The following IL1RAPL2 variants were observed in gnomAD, a reference collection of about 807,000 sequenced individuals.
IL1RAPL2 encodes X-linked interleukin-1 receptor accessory protein-like 2.
Under a neutral mutation model 44.1 loss-of-function variants are expected in IL1RAPL2, and 3 were observed. The observed-to-expected ratio is 0.07, with a 90% CI of 0.03 to 0.18. IL1RAPL2 has a LOEUF of 0.18. IL1RAPL2 is among the 10% of genes least tolerant of loss of function. IL1RAPL2 has a pLI of 1.00. For synonymous variants in IL1RAPL2, 181 were observed against 178.8 expected (o/e 1.01, Z -0.10); for missense variants, 391 against 496.4 (o/e 0.79, Z 2.02).
At chrX:105,640,231 G>GAA (rs946764692) in intron 6 of IL1RAPL2, among the ~76,000 whole-genome samples, 8 of 107,239 alleles carry the variant, frequency 7.5e-5, no homozygotes, top group Non-Finnish European at 1.5e-4. Flanking sequence ...CAATTCACTT[G>GAA]AAAAAAAAAT....
intron 2 of IL1RAPL2, among the ~76,000 whole-genome samples, chrX:104,821,448 A>G (rs183566583): frequency 1.8e-4 from 20 of 109,946 alleles, no homozygotes; most frequent in Non-Finnish European, 3.8e-5. Context: ...CCCTGTGCCC[A>G]TATGTTGTCA....
At chrX:104,599,650 G>GAA (rs1555970971) in intron 1 of IL1RAPL2, among the ~76,000 whole-genome samples, 6 of 86,173 alleles carry the variant, frequency 7.0e-5, no homozygotes, top group Admixed American at 1.4e-4. Context: ...GATGGATTTA[G>GAA]CACACACACA....
At chrX:105,308,220 C>T (rs962295844) in intron 5 of IL1RAPL2, among the ~76,000 whole-genome samples, 1 of 111,652 alleles carries the variant, frequency 9.0e-6, no homozygotes, top group East Asian at 2.8e-4. Flanking sequence ...ACATGGCTCC[C>T]ATTATTCTCA....
At position 105,223,872 on chromosome X, in the gene IL1RAPL2, A is replaced by T. The variant is rs190752920; in HGVS notation, c.357-9946A>T. 4.7e-3 allele frequency among the ~76,000 whole-genome samples: 531 copies of T among 111,836 alleles called. 6 individuals carry two copies. Among genetic ancestry groups the T allele is most frequent in the African/African-American group, 0.016 (503 of 30,799 alleles). Reference sequence around the variant, plus strand: ...CAAGTGATGCCTCAAATCGTAATAGATATGAGGAAAAATAGACTATAGAGA... The same window carrying T: ...CAAGTGATGCCTCAAATCGTAATAGTTATGAGGAAAAATAGACTATAGAGA... On this transcript the variant is annotated intron_variant, in intron 3 of 10. Transcript: ENST00000372582.
chrX:104,993,030 A>G (rs1013051229), intron 2 of IL1RAPL2, among the ~76,000 whole-genome samples: 1 of 111,711 alleles, frequency 9.0e-6, no homozygotes, highest in Non-Finnish European at 1.9e-5. Flanking sequence ...TAAATCGAGC[A>G]GAGTCACTTG....
chrX:105,385,082 G>A (rs1175726224), intron 5 of IL1RAPL2, among the ~76,000 whole-genome samples: 1 of 111,045 alleles, frequency 9.0e-6, no homozygotes, highest in Admixed American at 9.6e-5. Context: ...CCTTTCAAAT[G>A]TGAATGTCCT....
At chrX:105,180,308 G>C (rs959207460) in intron 2 of IL1RAPL2, among the ~76,000 whole-genome samples, 1 of 108,521 alleles carries the variant, frequency 9.2e-6, no homozygotes, top group Non-Finnish European at 1.9e-5. Context: ...TTGCACTCCA[G>C]CTTGGGCTGC....
At chrX:105,186,835 A>T (rs1233206776) in intron 2 of IL1RAPL2, among the ~76,000 whole-genome samples, 1 of 111,917 alleles carries the variant, frequency 8.9e-6, no homozygotes, top group Non-Finnish European at 1.9e-5. Context: ...CCAAAATGAG[A>T]CATCACCTTA....
chrX:105,255,263 G>A (rs1243184002), intron 4 of IL1RAPL2, among the ~76,000 whole-genome samples: 1 of 111,271 alleles, frequency 9.0e-6, no homozygotes, highest in Non-Finnish European at 1.9e-5. Flanking sequence ...TCACCTCTCT[G>A]GTTAGCTATA....
At chrX:105,438,945 G>C (rs767272135) in intron 5 of IL1RAPL2, among the ~76,000 whole-genome samples, 1 of 110,563 alleles carries the variant, frequency 9.0e-6, no homozygotes, top group Non-Finnish European at 1.9e-5. Flanking sequence ...ATTCGATCAT[G>C]GGGGCGGTTT....
chrX:105,328,485 G>A (rs905149815), intron 5 of IL1RAPL2, among the ~76,000 whole-genome samples: 1 of 111,571 alleles, frequency 9.0e-6, no homozygotes, highest in African/African-American at 3.3e-5. Context: ...AAATTAAGAA[G>A]AGGTTTTAAC....
At chrX:105,522,491 C>T (rs916669086) in intron 6 of IL1RAPL2, among the ~76,000 whole-genome samples, 12 of 111,909 alleles carry the variant, frequency 1.1e-4, no homozygotes, top group Non-Finnish European at 2.1e-4. Flanking sequence ...AATTACATTC[C>T]TGTAGTTTCA....
intron 2 of IL1RAPL2, among the ~76,000 whole-genome samples, chrX:104,698,926 G>A (rs189492461): frequency 2.4e-4 from 27 of 111,486 alleles, no homozygotes; most frequent in African/African-American, 8.5e-4. Flanking sequence ...TGACTTAAGT[G>A]AGATGACAAT....
At chrX:104,633,451 G>C in intron 1 of IL1RAPL2, among the ~76,000 whole-genome samples, 1 of 111,865 alleles carries the variant, frequency 8.9e-6, no homozygotes, top group Middle Eastern at 4.6e-3. Flanking sequence ...GTAGAATTCA[G>C]CTGTGAATCC....
chrX:104,808,714 G>A (rs1932943261), intron 2 of IL1RAPL2, among the ~76,000 whole-genome samples: 1 of 111,924 alleles, frequency 8.9e-6, no homozygotes, highest in Non-Finnish European at 1.9e-5. Context: ...TGGGGGACTG[G>A]AGAGAGAAAA....
intron 2 of IL1RAPL2, among the ~76,000 whole-genome samples, chrX:104,729,739 A>G (rs935492068): frequency 9.1e-6 from 1 of 109,827 alleles, no homozygotes; most frequent in Admixed American, 9.8e-5. Context: ...GCTCCCACTT[A>G]CAAGTGAGAA....
chrX:105,730,625 T>C (rs2147565991), intron 7 of IL1RAPL2, among the ~76,000 whole-genome samples: 1 of 110,806 alleles, frequency 9.0e-6, no homozygotes, highest in South Asian at 3.8e-4. Flanking sequence ...ACAAAACAAG[T>C]CTCAACAAAT....
chrX:105,651,515 C>A (rs994862207), intron 6 of IL1RAPL2, among the ~76,000 whole-genome samples: 1 of 111,954 alleles, frequency 8.9e-6, no homozygotes, highest in Admixed American at 9.5e-5. Flanking sequence ...AAAATGATAT[C>A]TCAAGATTCT....
chrX:104,908,738 T>A (rs1056911217), intron 2 of IL1RAPL2, among the ~76,000 whole-genome samples: 1 of 109,369 alleles, frequency 9.1e-6, no homozygotes, highest in Non-Finnish European at 1.9e-5. Context: ...CCCTTAACAT[T>A]TTTTCCTTCA....
Sources: allele counts gnomAD v4.1 joint callset (sites outside exome capture counted in the v4.1 genomes callset), GRCh38; gene constraint gnomAD v4.1.1; transcripts MANE v1.5; gene names NCBI Gene and HGNC (gene_info 2026-07-23, HGNC 2026-07-21).